HLF: variants seen among roughly 807,000 people sequenced by gnomAD.
HLF encodes the protein HLF transcription factor, PAR bZIP family member.
HLF carries 3 observed loss-of-function variants against 22.6 expected under a neutral mutation model. That is an observed-to-expected ratio of 0.13 (90% CI 0.06 to 0.34). The LOEUF is 0.34. Ranked by LOEUF, HLF falls within the 10% of genes least tolerant of loss-of-function variation. HLF has a pLI of 1.00. For synonymous variants in HLF, 151 were observed against 151.8 expected, an observed-to-expected ratio of 0.99 and a Z score of 0.04; for missense variants, 299 against 389.2, an observed-to-expected ratio of 0.77 and a Z score of 1.95.
intron 2 of HLF, among the ~76,000 whole-genome samples, chr17:55,270,712 G>C (rs957804554): frequency 1.4e-5 from 2 of 141,816 alleles, no homozygotes; most frequent in Non-Finnish European, 3.0e-5. Flanking sequence ...CCAGGCTGGA[G>C]TGCAGTGGCG....
chr17:55,277,631 G>C (rs995458556), intron 2 of HLF, among the ~76,000 whole-genome samples: 1 of 151,718 alleles, frequency 6.6e-6, no homozygotes, highest in African/African-American at 2.4e-5. Context: ...GGATTGGGGG[G>C]GGTTGGACTG....
chr17:55,279,235 A>C (rs2080932090), intron 2 of HLF, among the ~76,000 whole-genome samples: 1 of 152,210 alleles, frequency 6.6e-6, no homozygotes, highest in Non-Finnish European at 1.5e-5. Context: ...AATGATATTT[A>C]GTTATTGGCT....
intron 3 of HLF, among the ~76,000 whole-genome samples, chr17:55,316,697 C>A (rs1230404006): frequency 6.6e-6 from 1 of 152,144 alleles, no homozygotes; most frequent in Non-Finnish European, 1.5e-5. Context: ...GTCTTGCTTC[C>A]CAAAAGGTCA....
At chr17:55,291,230 G>C (rs1327558812) in intron 2 of HLF, among the ~76,000 whole-genome samples, 2 of 152,192 alleles carry the variant, frequency 1.3e-5, no homozygotes, top group Non-Finnish European at 2.9e-5. Flanking sequence ...TTTCAATATA[G>C]ACTACACAGC....
chr17:55,283,564 T>G (rs986646860), intron 2 of HLF: 1 of 152,226 alleles, frequency 6.6e-6, no homozygotes, highest in Admixed American at 6.5e-5. Context: ...CTCCAGCACA[T>G]AATGTTTTAC....
At chr17:55,317,361 TG>T (rs1351674095) in intron 3 of HLF, among the ~76,000 whole-genome samples, 1 of 152,180 alleles carries the variant, frequency 6.6e-6, no homozygotes, top group Non-Finnish European at 1.5e-5. Context: ...TTTGAAAGGA[TG>T]CTGCTATGAG....
intron 2 of HLF, among the ~76,000 whole-genome samples, chr17:55,296,298 T>C (rs1417203638): frequency 6.6e-6 from 1 of 152,154 alleles, no homozygotes; most frequent in Non-Finnish European, 1.5e-5. Flanking sequence ...TAAAAGAAAT[T>C]TAAACATTTT....
chr17:55,270,710 G>T (rs925023497), intron 2 of HLF, among the ~76,000 whole-genome samples: 6 of 147,438 alleles, frequency 4.1e-5, no homozygotes, highest in South Asian at 2.2e-4. Flanking sequence ...GCCCAGGCTG[G>T]AGTGCAGTGG....
intron 2 of HLF, among the ~76,000 whole-genome samples, chr17:55,275,175 A>G: frequency 6.6e-6 from 1 of 152,152 alleles, no homozygotes; most frequent in Admixed American, 6.5e-5. Context: ...GGTTCACCAC[A>G]ACCTCAACCT....
chr17:55,315,301 G>A lies in HLF; in HGVS notation c.526G>A (p.Glu176Lys). 2 of 1,614,192 alleles carry A rather than the reference G, an allele frequency of 1.2e-6. No individual in the cohort carries two copies. The highest frequency in any genetic ancestry group is 1.7e-6 in the Non-Finnish European group (2 of 1,180,020). ...PDTIQVPVGY[E>K]PDPADLALSS... Reference sequence around the variant, plus strand: ...CACCATCCAGGTCCCAGTGGGTTATGAGCCAGACCCAGCAGATCTTGCCCT... The same window carrying A: ...CACCATCCAGGTCCCAGTGGGTTATAAGCCAGACCCAGCAGATCTTGCCCT... The change falls in exon 3 of 4, where the codon GAG becomes AAG. Residue 176 changes from glutamate (E) to lysine (K), a missense_variant. By Grantham distance (56) the Glu-to-Lys change is moderately conservative. This residue lies in a region of HLF where 224 missense variants were observed against 298.1 expected (regional missense o/e 0.75). Coordinates refer to ENST00000226067, the MANE Select transcript of HLF (RefSeq NM_002126.5).
chr17:55,290,138 C>T (rs1251655070), intron 2 of HLF, among the ~76,000 whole-genome samples: 2 of 152,150 alleles, frequency 1.3e-5, no homozygotes, highest in Non-Finnish European at 2.9e-5. Context: ...TAACAGAAGG[C>T]CTTGGTACAG....
chr17:55,321,154 T>C lies in HLF; in HGVS notation c.*275T>C. ...TTAGTTCCAACAAAGAAAGGTGCCA[T>C]GTCTTTACTAGACTGAGGAGCCCTC... On this transcript the variant is annotated 3_prime_UTR_variant, in exon 4 of 4. Coordinates refer to ENST00000226067, the MANE Select transcript of HLF (RefSeq NM_002126.5). 1 of 423,482 alleles carries C rather than the reference T, an allele frequency of 2.4e-6. No individual in the cohort carries two copies. Among genetic ancestry groups the C allele is most frequent in the Non-Finnish European group, 4.4e-6 (1 of 229,502 alleles). 26.2% of individuals were successfully genotyped at this position (423,482 alleles called of 1,614,324 possible).
rs954560140 is a variant in HLF, at chr17:55,322,411, A to G, written c.*1532A>G. ...ATATAGAAAAGAGGAGAGGAAAACT[A>G]TTCCATGTTTTAAAATTATATAGCA... On this transcript the variant is annotated 3_prime_UTR_variant, in exon 4 of 4. Coordinates refer to ENST00000226067, the MANE Select transcript of HLF (RefSeq NM_002126.5). The G allele has an allele frequency of 1.0e-5, 2 of 197,694 alleles. No homozygotes were observed. Among genetic ancestry groups the G allele is most frequent in the East Asian group, 1.6e-4 (2 of 12,598 alleles). The allele number at this position is 197,694 out of a possible 1,614,324, so 12.2% of individuals were successfully genotyped here.
chr17:55,277,779 G>A (rs370039373), intron 2 of HLF, among the ~76,000 whole-genome samples: 9 of 152,244 alleles, frequency 5.9e-5, no homozygotes, highest in African/African-American at 1.7e-4. Flanking sequence ...CTGTCAAGGT[G>A]GGCAATTTCA....
At chr17:55,278,932 A>G (rs1194538127) in intron 2 of HLF, among the ~76,000 whole-genome samples, 3 of 152,254 alleles carry the variant, frequency 2.0e-5, no homozygotes, top group Non-Finnish European at 1.5e-5. Flanking sequence ...TAAGTAATAT[A>G]AAATGTAAAG....
chr17:55,298,266 T>A (rs975536018), intron 2 of HLF, among the ~76,000 whole-genome samples: 7 of 152,132 alleles, frequency 4.6e-5, no homozygotes, highest in African/African-American at 1.7e-4. Context: ...ACTTCAGAGA[T>A]GTTGGAATAT....
intron 2 of HLF, among the ~76,000 whole-genome samples, chr17:55,270,990 C>T (rs1196144334): frequency 1.3e-5 from 2 of 152,146 alleles, no homozygotes; most frequent in East Asian, 1.9e-4. Context: ...AGCAGCATCG[C>T]GGCCCCTACC....
intron 2 of HLF, among the ~76,000 whole-genome samples, chr17:55,280,913 A>G (rs550965037): frequency 6.6e-6 from 1 of 152,364 alleles, no homozygotes; most frequent in Admixed American, 6.5e-5. Flanking sequence ...AATGTCTAAA[A>G]ACGGTTTTTA....
At chr17:55,305,785 G>C (rs1904519248) in intron 2 of HLF, among the ~76,000 whole-genome samples, 1 of 152,220 alleles carries the variant, frequency 6.6e-6, no homozygotes, top group Non-Finnish European at 1.5e-5. Context: ...AAGGCTGGGT[G>C]CCTGGCTCTC....
Sources: allele counts gnomAD v4.1 joint callset (sites outside exome capture counted in the v4.1 genomes callset), GRCh38; gene constraint gnomAD v4.1.1; regional missense constraint gnomAD v4.1.1; transcripts MANE v1.5; gene names NCBI Gene and HGNC (gene_info 2026-07-23, HGNC 2026-07-21).